Variants in RPN2 observed in about 807,000 individuals in gnomAD.
The protein encoded by RPN2 is ribophorin II.
RPN2 carries 29 observed loss-of-function variants against 71.4 expected under a neutral mutation model. That is an observed-to-expected ratio of 0.41 (90% CI 0.30 to 0.55). The LOEUF is 0.55. Among genes scored for constraint, RPN2 ranks in the 20% least tolerant of loss-of-function variants. RPN2 has a pLI of 0.35. For missense variants in RPN2, 726 were observed against 774.1 expected (o/e 0.94, Z 0.74); for synonymous variants, 308 against 305.0 (o/e 1.01, Z -0.10).
At chr20:37,195,789 G>C (rs2067243901) in intron 2 of RPN2, among the ~76,000 whole-genome samples, 1 of 152,122 alleles carries the variant, frequency 6.6e-6, no homozygotes, top group African/African-American at 2.4e-5. Flanking sequence ...GACTCCTTGA[G>C]TAGCTTTACT....
At chr20:37,184,026 G>T in intron 1 of RPN2, 154 bp from the exon 2 acceptor site, 1 of 834,392 alleles carries the variant, frequency 1.2e-6, no homozygotes, top group Non-Finnish European at 2.0e-6. Flanking sequence ...CAGGCTCCCT[G>T]CCTTCCCAAG....
chr20:37,210,526 A>G (rs1339194396), intron 8 of RPN2, among the ~76,000 whole-genome samples: 2 of 118,334 alleles, frequency 1.7e-5, no homozygotes, highest in Non-Finnish European at 3.3e-5. Flanking sequence ...AACTTTTGCT[A>G]ACTTTTTTTT....
In RPN2 at chr20:37,222,129, G is replaced by A. The variant is rs542141518; in HGVS notation, c.1093-1749G>A. 3.9e-5 allele frequency among the ~76,000 whole-genome samples: 6 copies of A among 152,312 alleles called. No individual in the cohort carries two copies. In the South Asian group the frequency reaches 1.2e-3, roughly 32 times the overall value. On this transcript the variant is annotated intron_variant, in intron 9 of 16. Transcript: ENST00000237530. ...TGTTTTTTGCAAGAAAGCTTGCTCT[G>A]GTTCTGAGCCTTGCGTGAGTTGTAA... is the stretch of plus-strand genomic sequence containing the variant.
intron 8 of RPN2, among the ~76,000 whole-genome samples, chr20:37,211,403 C>T (rs1001623017): frequency 6.7e-6 from 1 of 150,124 alleles, no homozygotes; most frequent in Non-Finnish European, 1.5e-5. Flanking sequence ...TTTGGGGGGG[C>T]CAAGGTGGGC....
intron 9 of RPN2, among the ~76,000 whole-genome samples, chr20:37,220,437 C>T (rs895187868): frequency 1.2e-4 from 19 of 152,094 alleles, no homozygotes; most frequent in African/African-American, 3.6e-4. Context: ...CGGTTTTGGA[C>T]GCTCTCATTA....
intron 2 of RPN2, among the ~76,000 whole-genome samples, chr20:37,192,617 TAAAGAG>T (rs980964439): frequency 2.0e-5 from 3 of 152,202 alleles, no homozygotes; most frequent in African/African-American, 7.2e-5. Flanking sequence ...TCTTGAGCCA[TAAAGAG>T]GGAGAGGGCC....
chr20:37,201,554 A>G (rs972316216), intron 4 of RPN2, among the ~76,000 whole-genome samples: 2 of 152,152 alleles, frequency 1.3e-5, no homozygotes, highest in African/African-American at 2.4e-5. Context: ...TCTTGTAGAA[A>G]GCTCATAGGT....
chr20:37,180,151 C>G (rs187373911), intron 1 of RPN2, among the ~76,000 whole-genome samples: 62 of 152,304 alleles, frequency 4.1e-4, no homozygotes, highest in Admixed American at 6.5e-4. Flanking sequence ...TACCATTTGA[C>G]AGATGAGAAG....
chr20:37,230,067 C>T lies in RPN2; in HGVS notation c.1581+8C>T, dbSNP rs1347253896. ...CCAAAACAGGAAATTCAGGTATATC[C>T]CAAAGGGCCTATCCACTAAACGTGG... On this transcript the variant is annotated splice_region_variant and intron_variant, in intron 13 of 16. Coordinates refer to ENST00000237530, the MANE Select transcript of RPN2 (RefSeq NM_002951.5). 2.5e-6 allele frequency: 4 copies of T among 1,606,174 alleles called. No individual in the cohort carries two copies. The highest frequency in any genetic ancestry group is 3.4e-6 in the Non-Finnish European group (4 of 1,172,776).
intron 2 of RPN2, among the ~76,000 whole-genome samples, chr20:37,189,360 T>A (rs566706030): frequency 8.0e-5 from 12 of 150,408 alleles, no homozygotes; most frequent in African/African-American, 1.7e-4. Flanking sequence ...TGTGTGTGTG[T>A]GAACATCCAT....
chr20:37,192,671 C>T (rs1451939139), intron 2 of RPN2, among the ~76,000 whole-genome samples: 2 of 152,178 alleles, frequency 1.3e-5, no homozygotes, highest in Non-Finnish European at 2.9e-5. Flanking sequence ...ATAGCTGAGA[C>T]AGGCATTAAT....
chr20:37,189,568 G>T (rs2067096462), intron 2 of RPN2, among the ~76,000 whole-genome samples: 1 of 152,074 alleles, frequency 6.6e-6, no homozygotes, highest in African/African-American at 2.4e-5. Context: ...TTTTCTTCCT[G>T]TGTGTGACTC....
chr20:37,184,439 C>T, intron 2 of RPN2, 66 bp downstream of exon 2: 7 of 1,318,164 alleles, frequency 5.3e-6, no homozygotes, highest in Non-Finnish European at 7.6e-6. Context: ...CACTATATTC[C>T]TTTGGGGTAG....
chr20:37,179,422 C>T (rs1294755450), intron 1 of RPN2, 53 bp downstream of exon 1: 1 of 70,564 alleles, frequency 1.4e-5, no homozygotes, highest in Non-Finnish European at 1.9e-5. Context: ...CGGGAGGTTA[C>T]TAGTCGCCGC....
chr20:37,182,679 G>T (rs2066913481), intron 1 of RPN2, among the ~76,000 whole-genome samples: 1 of 152,200 alleles, frequency 6.6e-6, no homozygotes, highest in East Asian at 1.9e-4. Flanking sequence ...ACAGAAGTGA[G>T]CCAGTGCCGC....
intron 11 of RPN2, among the ~76,000 whole-genome samples, chr20:37,226,771 A>G (rs1043742916): frequency 2.0e-5 from 3 of 152,118 alleles, no homozygotes; most frequent in South Asian, 2.1e-4. Context: ...ATATGGCCCC[A>G]TGTCCACTCA....
intron 12 of RPN2, 176 bp from the exon 13 acceptor site, chr20:37,229,797 G>GTTCTTAAATAC: frequency 1.5e-6 from 1 of 659,920 alleles, no homozygotes; most frequent in Non-Finnish European, 2.7e-6. Context: ...GCAAATACTT[G>GTTCTTAAATAC]TTTTGTTCTT....
At chr20:37,238,711 C>T in intron 16 of RPN2, 1 of 716,088 alleles carries the variant, frequency 1.4e-6, no homozygotes, top group Non-Finnish European at 2.6e-6. Flanking sequence ...TATAAGACTT[C>T]ATTCTCCCTT....
Position 37,232,329 on chromosome 20 carries a change from A to G in RPN2, c.1615A>G (p.Thr539Ala). The part of the protein sequence containing the change: ...LFREPEKRPP[T>A]VVSNTFTALI... ...CCGCGAGCCTGAGAAGAGGCCCCCC[A>G]CCGTGGTGTCCAATACATTCACTGC... Residue 539 changes from threonine to alanine, a missense_variant, in exon 14 of 17, where the codon ACC (threonine) becomes GCC (alanine). Transcript: ENST00000237530. 6.2e-7 allele frequency: 1 copy of G among 1,614,150 alleles called. No individual in the cohort carries two copies. The highest frequency in any genetic ancestry group is 8.5e-7 in the Non-Finnish European group (1 of 1,180,004).
Sources: gnomAD v4.1 joint callset for allele counts (sites outside exome capture counted in the v4.1 genomes callset) on GRCh38, gnomAD v4.1.1 for gene constraint, MANE v1.5 for transcripts, NCBI Gene and HGNC (gene_info 2026-07-23, HGNC 2026-07-21) for gene names.